The following FSTL4 variants were observed in gnomAD, a reference collection of about 807,000 sequenced individuals.
FSTL4 encodes the protein follistatin like 4, also known as follistatin-related protein 4.
FSTL4 carries 28 observed loss-of-function variants against 78.2 expected under a neutral mutation model. That is an observed-to-expected ratio of 0.36 (90% CI 0.27 to 0.49). The LOEUF is 0.49. FSTL4 is among the 20% of genes least tolerant of loss of function. The pLI, the probability that FSTL4 is intolerant of heterozygous loss-of-function variation, is 0.98. For synonymous variants in FSTL4, 422 were observed against 440.5 expected (o/e 0.96, Z 0.53); for missense variants, 922 against 1,084.9 (o/e 0.85, Z 2.11).
the FSTL4 span, among the ~76,000 whole-genome samples, chr5:133,756,153 A>C: frequency 6.6e-6 from 1 of 151,962 alleles, no homozygotes; most frequent in Non-Finnish European, 1.5e-5. Context: ...GGTGTTTGGG[A>C]GGAGACTCTA....
Position 133,255,700 on chromosome 5 carries a change from C to G in FSTL4, c.728-6124G>C, listed in dbSNP as rs190654994. Among the ~76,000 whole-genome samples, 3 of 152,324 alleles carry G rather than the reference C, an allele frequency of 2.0e-5. No homozygotes were observed. The East Asian group carries it at 5.8e-4, about 29-fold the overall frequency. On this transcript the variant is annotated intron_variant, in intron 6 of 15. Transcript: ENST00000265342. Reference sequence around the variant, plus strand: ...CCAGACATGAGATGCCACAAACACCCGTCCTCACCTTTCTCCCTGAGTCTT... The same window carrying G: ...CCAGACATGAGATGCCACAAACACCGGTCCTCACCTTTCTCCCTGAGTCTT...
intron 7 of FSTL4, among the ~76,000 whole-genome samples, chr5:133,238,924 T>C (rs1025798569): frequency 1.6e-4 from 24 of 152,346 alleles, no homozygotes; most frequent in African/African-American, 5.5e-4. Flanking sequence ...GCCGCTGCAC[T>C]GTGGGAGCCC....
chr5:133,750,781 A>G, the FSTL4 span, among the ~76,000 whole-genome samples: 1 of 152,030 alleles, frequency 6.6e-6, no homozygotes, highest in Non-Finnish European at 1.5e-5. Flanking sequence ...GGTCACCCCT[A>G]TGATTAGTCC....
chr5:133,509,408 G>A (rs1758678934), intron 3 of FSTL4, among the ~76,000 whole-genome samples: 1 of 152,016 alleles, frequency 6.6e-6, no homozygotes, highest in Non-Finnish European at 1.5e-5. Context: ...TTCCTCTTCT[G>A]ATTCTTTATC....
the FSTL4 span, among the ~76,000 whole-genome samples, chr5:133,738,584 C>G: frequency 6.6e-6 from 1 of 152,178 alleles, no homozygotes; most frequent in Admixed American, 6.5e-5. Context: ...CTCCTTCTGA[C>G]CCAAAGAACT....
intron 4 of FSTL4, among the ~76,000 whole-genome samples, chr5:133,372,245 C>CTATGTATCTATGTATCTATG (rs757202475): frequency 1.4e-5 from 2 of 140,122 alleles, no homozygotes; most frequent in Non-Finnish European, 3.1e-5. Context: ...ATCTATGTAT[C>CTATGTATCTATGTATCTATG]TATGTATGTA....
the FSTL4 span, among the ~76,000 whole-genome samples, chr5:133,806,989 T>C: frequency 1.3e-5 from 2 of 152,182 alleles, no homozygotes; most frequent in East Asian, 1.9e-4. Flanking sequence ...AGGGAACATT[T>C]CAGGTGTGGA....
At chr5:133,825,596 T>C in the FSTL4 span, among the ~76,000 whole-genome samples, 3 of 151,952 alleles carry the variant, frequency 2.0e-5, no homozygotes, top group Admixed American at 1.3e-4. Context: ...TCCGCGGGGG[T>C]GGGTGCAGGA....
chr5:133,698,048 TTTA>T, the FSTL4 span, among the ~76,000 whole-genome samples: 1 of 152,162 alleles, frequency 6.6e-6, no homozygotes, highest in African/African-American at 2.4e-5. Flanking sequence ...TCCATGAGGA[TTTA>T]TTAAGCATCA....
intron 4 of FSTL4, among the ~76,000 whole-genome samples, chr5:133,388,968 A>G (rs944223094): frequency 6.6e-6 from 1 of 151,788 alleles, no homozygotes. Flanking sequence ...GAAGTGGAGA[A>G]GGAACTTCTG....
the FSTL4 span, among the ~76,000 whole-genome samples, chr5:133,792,489 C>T: frequency 6.6e-6 from 1 of 152,232 alleles, no homozygotes; most frequent in Non-Finnish European, 1.5e-5. Context: ...CCACCCATGA[C>T]ATCCCAGAGT....
intron 3 of FSTL4, among the ~76,000 whole-genome samples, chr5:133,454,277 A>C (rs568395844): frequency 1.3e-5 from 2 of 152,384 alleles, no homozygotes; most frequent in African/African-American, 2.4e-5. Context: ...CAAAGGTTTA[A>C]TGATATATCA....
intron 6 of FSTL4, among the ~76,000 whole-genome samples, chr5:133,269,184 C>CAAA (rs869156118): frequency 1.7e-3 from 98 of 58,886 alleles, no homozygotes; most frequent in African/African-American, 3.5e-3. Context: ...GACTCCATCT[C>CAAA]AAAAAAAAAA....
At chr5:133,621,172 G>A in the FSTL4 span, among the ~76,000 whole-genome samples, 1 of 152,142 alleles carries the variant, frequency 6.6e-6, no homozygotes, top group Admixed American at 6.5e-5. Context: ...AGGCCGAGGT[G>A]GGCGGATCAC....
At chr5:133,411,477 A>G (rs1756476818) in intron 3 of FSTL4, among the ~76,000 whole-genome samples, 1 of 152,182 alleles carries the variant, frequency 6.6e-6, no homozygotes, top group Non-Finnish European at 1.5e-5. Context: ...TAAGGAGACA[A>G]TGGTCACTAT....
At chr5:133,621,202 C>T in the FSTL4 span, among the ~76,000 whole-genome samples, 1 of 152,074 alleles carries the variant, frequency 6.6e-6, no homozygotes, top group African/African-American at 2.4e-5. Flanking sequence ...AGATCAATAC[C>T]ATCCTGGCTA....
At chr5:133,205,367 TTCTATG>T (rs1170050306) in intron 14 of FSTL4, among the ~76,000 whole-genome samples, 9 of 140,626 alleles carry the variant, frequency 6.4e-5, no homozygotes, top group African/African-American at 2.3e-4. Context: ...CATTCCTGGA[TTCTATG>T]TCTTTTTCTT....
At chr5:133,555,658 T>C (rs1759770882) in intron 3 of FSTL4, among the ~76,000 whole-genome samples, 1 of 152,110 alleles carries the variant, frequency 6.6e-6, no homozygotes, top group Non-Finnish European at 1.5e-5. Flanking sequence ...GGCCTACTGT[T>C]TTTAAAAAAT....
At chr5:133,336,433 C>T (rs879433305) in intron 4 of FSTL4, among the ~76,000 whole-genome samples, 4 of 152,248 alleles carry the variant, frequency 2.6e-5, no homozygotes, top group African/African-American at 9.6e-5. Context: ...GAGCGACTTC[C>T]CTTCTGGCTG....
Sources: allele counts gnomAD v4.1 joint callset (sites outside exome capture counted in the v4.1 genomes callset), GRCh38; gene constraint gnomAD v4.1.1; transcripts MANE v1.5; gene names NCBI Gene and HGNC (gene_info 2026-07-23, HGNC 2026-07-21).